The following CACNA1S variants were observed in gnomAD, a reference collection of about 807,000 sequenced individuals.
CACNA1S encodes voltage-dependent L-type calcium channel subunit alpha-1S.
Under a neutral mutation model 207.4 loss-of-function variants are expected in CACNA1S, and 126 were observed. The ratio of observed to expected loss-of-function variants is 0.61; its 90% CI spans 0.53 to 0.70. The LOEUF is 0.70. CACNA1S is among the 30% of genes least tolerant of loss of function. The pLI is 0.00. For missense variants in CACNA1S, 2,349 were observed against 2,422.8 expected, an observed-to-expected ratio of 0.97 and a Z score of 0.64; for synonymous variants, 960 against 932.7, an observed-to-expected ratio of 1.03 and a Z score of -0.53.
chr1:201,093,772 A>G (rs1662319452), intron 3 of CACNA1S, 110 bp downstream of exon 3: 2 of 1,341,742 alleles, frequency 1.5e-6, no homozygotes, highest in South Asian at 2.4e-5. Context: ...TGCAGTGGTT[A>G]GCACAATGCT....
chr1:201,043,461 G>A lies in CACNA1S; in HGVS notation c.4868C>T (p.Ala1623Val). 4 of 1,614,054 alleles carry A rather than the reference G, an allele frequency of 2.5e-6. No homozygotes were observed. Among genetic ancestry groups the A allele is most frequent in the Non-Finnish European group, 3.4e-6 (4 of 1,180,002 alleles). Reference sequence around the variant, plus strand: ...AGCAAACTGGAGGGGTCTCTGATTGGCCATGACGGGGGGCAGGGAGTTGGT... The same window carrying A: ...AGCAAACTGGAGGGGTCTCTGATTGACCATGACGGGGGGCAGGGAGTTGGT... ...ERTNSLPPVMANQRPLQFAEI... is the reference protein window; with the variant it reads ...ERTNSLPPVMVNQRPLQFAEI... The change falls in exon 40 of 44, where the codon GCC becomes GTC. Residue 1623 changes from alanine (A) to valine (V), a missense_variant. Ala to Val is a moderately conservative substitution (Grantham distance 64, BLOSUM62 0). Transcript: ENST00000362061.
rs1020425148 is a variant in CACNA1S at position 201,111,105 on chromosome 1, G to A, written c.153-836C>T. The stretch of plus-strand genomic sequence containing the variant: ...GGATGGAGGAGAGGGAGAACCCACA[G>A]AGTAAACCTGATTGCAGAAGAGAGG... On this transcript the variant is annotated intron_variant, in intron 1 of 43. Coordinates refer to ENST00000362061, the MANE Select transcript of CACNA1S (RefSeq NM_000069.3). Among the ~76,000 whole-genome samples the A allele has an allele frequency of 2.6e-5, 4 of 152,266 alleles. No individual in the cohort carries two copies. The East Asian group carries it at 7.7e-4, about 29-fold the overall frequency.
chr1:201,040,589 T>C (rs1224750734), intron 42 of CACNA1S, 33 bp downstream of exon 42: 2 of 1,584,396 alleles, frequency 1.3e-6, no homozygotes, highest in South Asian at 1.1e-5. Flanking sequence ...GGTCTCTGTA[T>C]GGAGTTTGCT....
At chr1:201,072,444 G>T (rs1049843901) in intron 16 of CACNA1S, among the ~76,000 whole-genome samples, 1 of 152,146 alleles carries the variant, frequency 6.6e-6, no homozygotes, top group African/African-American at 2.4e-5. Flanking sequence ...GGGAAGACTT[G>T]TATACCCACG....
rs1181546182 is a variant in CACNA1S, at chr1:201,061,407, C to T, written c.3115G>A (p.Val1039Met). The T allele has an allele frequency of 2.5e-6, 4 of 1,614,078 alleles. No homozygotes were observed. The highest frequency in any genetic ancestry group is 3.4e-6 in the Non-Finnish European group (4 of 1,179,994). Reference sequence around the variant, plus strand: ...ATGATGAAGAAGATGGCCATCTCCACACGGTTGTTGTAGATGGGACCCACG... The same window carrying T: ...ATGATGAAGAAGATGGCCATCTCCATACGGTTGTTGTAGATGGGACCCACG... The part of the protein sequence containing the change: ...EDVGPIYNNR[V>M]EMAIFFIIYI... The change falls in exon 25 of 44, where the codon GTG (valine) becomes ATG (methionine). Residue 1039 changes from valine to methionine, a missense_variant. Physicochemically the swap from Val to Met is conservative, Grantham distance 21. Transcript: ENST00000362061.
At chr1:201,062,116 C>A in intron 23 of CACNA1S, 26 bp from the exon 24 acceptor site, 1 of 1,610,798 alleles carries the variant, frequency 6.2e-7, no homozygotes, top group East Asian at 2.2e-5. Context: ...CCAGTCACTC[C>A]ACAGGGCATG....
At position 201,077,086 on chromosome 1, in the gene CACNA1S, T is replaced by C. The variant is rs1446874084; in HGVS notation, c.1661A>G (p.Asn554Ser). Reference sequence around the variant, plus strand: ...CAGGGAGGCGATGGAGCGGATGGAGTTGAGCAGGGATGCCACCAGGTTGCT... The same window carrying C: ...CAGGGAGGCGATGGAGCGGATGGAGCTGAGCAGGGATGCCACCAGGTTGCT... ...SLSNLVASLL[N>S]SIRSIASLLL... The change falls in exon 12 of 44, where the codon AAC becomes AGC. Residue 554 changes from asparagine to serine, a missense_variant. Coordinates refer to ENST00000362061, the MANE Select transcript of CACNA1S (RefSeq NM_000069.3). 1 of 1,613,738 alleles carries C rather than the reference T, an allele frequency of 6.2e-7. No individual in the cohort carries two copies. The highest frequency in any genetic ancestry group is 1.3e-5 in the African/African-American group (1 of 74,846).
intron 28 of CACNA1S, 90 bp from the exon 29 acceptor site, chr1:201,054,651 G>T: frequency 2.3e-6 from 2 of 862,978 alleles, no homozygotes; most frequent in Non-Finnish European, 3.4e-6. Context: ...TGTCAGAAAG[G>T]ACAGACACAC....
At chr1:201,052,870 C>T (rs553125734) in intron 31 of CACNA1S, among the ~76,000 whole-genome samples, 3 of 152,058 alleles carry the variant, frequency 2.0e-5, no homozygotes, top group South Asian at 2.1e-4. Context: ...AGGGTAGACC[C>T]GTTTTCCCAG....
At chr1:201,057,959 G>A (rs1660904653) in intron 28 of CACNA1S, among the ~76,000 whole-genome samples, 1 of 152,288 alleles carries the variant, frequency 6.6e-6, no homozygotes, top group South Asian at 2.1e-4. Flanking sequence ...TTCTCTGCAT[G>A]TTCTTATGCT....
chr1:201,078,048 A>G lies in CACNA1S; in HGVS notation c.1450T>C (p.Tyr484His), dbSNP rs1661696588. Residue 484 changes from tyrosine (Y) to histidine (H), a missense_variant, in exon 11 of 44, where the codon TAC (tyrosine) becomes CAC (histidine). Tyr to His is a moderately conservative substitution (Grantham distance 83). Coordinates refer to ENST00000362061, the MANE Select transcript of CACNA1S (RefSeq NM_000069.3). ...AAGTACTGGCGCAGGCCCAGCCCGT[A>G]CATCTTCATCAGCATCTCAGTGGTG... Reference protein sequence around the residue: ...LFTTEMLMKMYGLGLRQYFMS... With the variant: ...LFTTEMLMKMHGLGLRQYFMS... 1 of 1,614,124 alleles carries G rather than the reference A, an allele frequency of 6.2e-7. No individual in the cohort carries two copies. Among genetic ancestry groups the G allele is most frequent in the South Asian group, 1.1e-5 (1 of 91,086 alleles).
chr1:201,067,653 G>A (rs1042842687), intron 19 of CACNA1S, among the ~76,000 whole-genome samples: 1 of 152,120 alleles, frequency 6.6e-6, no homozygotes, highest in Non-Finnish European at 1.5e-5. Context: ...GCCCAAAGGG[G>A]CCACTTTATC....
intron 26 of CACNA1S, 58 bp downstream of exon 26, chr1:201,060,600 C>T (rs1376743792): frequency 1.0e-5 from 16 of 1,597,484 alleles, no homozygotes; most frequent in Non-Finnish European, 1.4e-5. Flanking sequence ...CTCATCCTGC[C>T]CTACCCAAGG....
chr1:201,042,266 C>G (rs1660271448), intron 40 of CACNA1S, among the ~76,000 whole-genome samples: 1 of 152,216 alleles, frequency 6.6e-6, no homozygotes. Flanking sequence ...TCCCGAGTAG[C>G]TGAGATTTCA....
intron 16 of CACNA1S, among the ~76,000 whole-genome samples, chr1:201,070,862 C>G (rs951570758): frequency 1.3e-5 from 2 of 152,082 alleles, no homozygotes; most frequent in African/African-American, 4.8e-5. Context: ...CGACAAGGGG[C>G]AGGAGGGTTG....
At chr1:201,067,787 C>G (rs1661301452) in intron 19 of CACNA1S, among the ~76,000 whole-genome samples, 1 of 152,222 alleles carries the variant, frequency 6.6e-6, no homozygotes, top group East Asian at 1.9e-4. Context: ...GTGCCCCAAA[C>G]TCCACAAACT....
chr1:201,051,678 A>T (rs1352833713), intron 32 of CACNA1S, among the ~76,000 whole-genome samples: 1 of 152,232 alleles, frequency 6.6e-6, no homozygotes, highest in Non-Finnish European at 1.5e-5. Flanking sequence ...CCTGCTCTGT[A>T]GATAACCTCC....
rs751687504 is a variant in CACNA1S, at chr1:201,084,910, T to TG, written c.1232+39dup. The TG allele has an allele frequency of 2.4e-5, 33 of 1,357,042 alleles. No homozygotes were observed. The African/African-American group carries it at 4.6e-4, about 19-fold the overall frequency. 84.1% of individuals were successfully genotyped at this position (1,357,042 alleles called of 1,614,324 possible). A position where few individuals can be genotyped will look rare whatever the true frequency, so the allele number is the denominator to read the frequency against. ...ACTCTACCCTCATGTCTCAGGGAGC[T>TG]GGGGGTTGGGGGTTCCTGGGGCAGT... On this transcript the variant is annotated intron_variant, in intron 9 of 43. Coordinates refer to ENST00000362061, the MANE Select transcript of CACNA1S (RefSeq NM_000069.3).
chr1:201,056,819 G>C (rs1446898614), intron 28 of CACNA1S, among the ~76,000 whole-genome samples: 4 of 152,130 alleles, frequency 2.6e-5, no homozygotes, highest in African/African-American at 9.7e-5. Context: ...CCCTTCATAA[G>C]GCAGGTCCTG....
Sources: allele counts gnomAD v4.1 joint callset (sites outside exome capture counted in the v4.1 genomes callset), GRCh38; gene constraint gnomAD v4.1.1; transcripts MANE v1.5; gene names NCBI Gene and HGNC (gene_info 2026-07-23, HGNC 2026-07-21).